Variants in ZNF592 observed in about 807,000 individuals in gnomAD.
The protein encoded by ZNF592 is zinc finger protein 592.
Under a neutral mutation model 80.3 loss-of-function variants are expected in ZNF592, and 11 were observed. That is an observed-to-expected ratio of 0.14 (90% CI 0.09 to 0.23). The LOEUF (loss-of-function observed/expected upper bound fraction) is 0.23. Among genes scored for constraint, ZNF592 ranks in the 10% least tolerant of loss-of-function variants. The pLI is 1.00. For synonymous variants in ZNF592, 646 were observed against 640.3 expected (o/e 1.01, Z -0.13); for missense variants, 1,420 against 1,633.9 (o/e 0.87, Z 2.26).
chr15:84,751,201 T>C (rs1471206561), intron 1 of ZNF592, among the ~76,000 whole-genome samples: 3 of 152,242 alleles, frequency 2.0e-5, no homozygotes, highest in Non-Finnish European at 2.9e-5. Flanking sequence ...AGAACCAATT[T>C]TAAAGACTTC....
chr15:84,796,900 C>A (rs1962935361), intron 5 of ZNF592, among the ~76,000 whole-genome samples: 1 of 152,030 alleles, frequency 6.6e-6, no homozygotes, highest in Admixed American at 6.6e-5. Flanking sequence ...AACTAAGGAA[C>A]TGAATTTTTA....
chr15:84,766,126 A>T (rs1205194400), intron 2 of ZNF592, among the ~76,000 whole-genome samples: 5 of 150,004 alleles, frequency 3.3e-5, no homozygotes, highest in Admixed American at 1.3e-4. Flanking sequence ...CAGTCCTCCC[A>T]CCTCAGCCTC....
At chr15:84,801,793 T>C in intron 10 of ZNF592, 70 bp from the exon 11 acceptor site, 1 of 1,612,748 alleles carries the variant, frequency 6.2e-7, no homozygotes, top group Non-Finnish European at 8.5e-7. Flanking sequence ...GTCCTTGGGC[T>C]CATGGTTATG....
chr15:84,758,272 C>T (rs755177786), intron 1 of ZNF592, among the ~76,000 whole-genome samples: 3 of 152,040 alleles, frequency 2.0e-5, no homozygotes, highest in Non-Finnish European at 4.4e-5. Flanking sequence ...AGCGCCCGGC[C>T]CCGTTAATCC....
chr15:84,768,542 G>T (rs1360747740), intron 2 of ZNF592, among the ~76,000 whole-genome samples: 1 of 151,834 alleles, frequency 6.6e-6, no homozygotes, highest in African/African-American at 2.4e-5. Context: ...CCAGCCTTTT[G>T]TGTCTTTTTT....
intron 4 of ZNF592, among the ~76,000 whole-genome samples, chr15:84,786,096 G>A (rs1432003863): frequency 6.6e-6 from 1 of 152,126 alleles, no homozygotes; most frequent in African/African-American, 2.4e-5. Flanking sequence ...TGCATGTGTT[G>A]GTAGCTGTTG....
intron 3 of ZNF592, among the ~76,000 whole-genome samples, chr15:84,781,776 G>C (rs1215760918): frequency 2.0e-5 from 3 of 152,150 alleles, no homozygotes; most frequent in Non-Finnish European, 4.4e-5. Context: ...TCTGAAGTGT[G>C]AGTTTTATAA....
intron 5 of ZNF592, among the ~76,000 whole-genome samples, chr15:84,792,027 A>G (rs1464712910): frequency 6.6e-6 from 1 of 152,008 alleles, no homozygotes; most frequent in Non-Finnish European, 1.5e-5. Context: ...TGATTTGGCT[A>G]GTATATTTTA....
chr15:84,779,890 TCTC>T (rs1407968771), intron 3 of ZNF592, among the ~76,000 whole-genome samples: 6 of 151,790 alleles, frequency 4.0e-5, no homozygotes, highest in Non-Finnish European at 7.4e-5. Flanking sequence ...ACAATCAACT[TCTC>T]CTCCTCTTCT....
intron 1 of ZNF592, among the ~76,000 whole-genome samples, chr15:84,764,284 G>T (rs1899434681): frequency 2.0e-5 from 3 of 152,204 alleles, no homozygotes; most frequent in Admixed American, 1.3e-4. Flanking sequence ...CACTGAGGTT[G>T]GTGGCATAAT....
chr15:84,764,559 G>A, intron 1 of ZNF592, 148 bp from the exon 2 acceptor site: 1 of 379,390 alleles, frequency 2.6e-6, no homozygotes, highest in Non-Finnish European at 4.7e-6. Flanking sequence ...TACATTTGTG[G>A]CCTGCTTGAA....
In ZNF592 at chr15:84,754,286, C is replaced by T. The variant is rs138588738; in HGVS notation, c.-259+5622C>T. On this transcript the variant is annotated intron_variant, in intron 1 of 10. Transcript: ENST00000560079. The stretch of plus-strand genomic sequence containing the variant: ...AGAGGTAATAATGGGCAGCTGGGCA[C>T]GGTGGCTCGTGCTTGTAATCCCAGC... 4.0e-3 allele frequency among the ~76,000 whole-genome samples: 609 copies of T among 152,208 alleles called. 2 individuals carry two copies. Among genetic ancestry groups the T allele is most frequent in the African/African-American group, 0.014 (571 of 41,520 alleles).
chr15:84,797,846 C>CA (rs1433168255), intron 5 of ZNF592, 23 bp from the exon 6 acceptor site: 1 of 1,614,046 alleles, frequency 6.2e-7, no homozygotes, highest in African/African-American at 1.3e-5. Context: ...CACCCACACT[C>CA]ACACTACCCC....
chr15:84,763,360 T>C (rs1467406411), intron 1 of ZNF592, among the ~76,000 whole-genome samples: 1 of 152,186 alleles, frequency 6.6e-6, no homozygotes, highest in African/African-American at 2.4e-5. Context: ...ATTGCGCATG[T>C]GAGAGAGACT....
At chr15:84,760,326 C>T (rs186575689) in intron 1 of ZNF592, among the ~76,000 whole-genome samples, 12 of 152,256 alleles carry the variant, frequency 7.9e-5, no homozygotes, top group Admixed American at 2.6e-4. Flanking sequence ...TTCATCCCTC[C>T]GCCTAAAACC....
chr15:84,790,910 G>T (rs762675523), intron 5 of ZNF592, 27 bp downstream of exon 5: 2 of 1,614,028 alleles, frequency 1.2e-6, no homozygotes, highest in East Asian at 4.5e-5. Context: ...TTGCTGTCCT[G>T]GTATTGCCCA....
intron 1 of ZNF592, among the ~76,000 whole-genome samples, chr15:84,755,750 A>G (rs979045018): frequency 3.5e-4 from 53 of 152,274 alleles, no homozygotes; most frequent in African/African-American, 1.2e-3. Context: ...TAAAGCAAAA[A>G]CTCAAAAACT....
intron 4 of ZNF592, 135 bp downstream of exon 4, chr15:84,785,030 G>A: frequency 9.2e-7 from 1 of 1,086,656 alleles, no homozygotes; most frequent in Non-Finnish European, 1.4e-6. Flanking sequence ...ATGTCTGCCT[G>A]AATATTTAGT....
At chr15:84,754,984 A>G (rs963025187) in intron 1 of ZNF592, among the ~76,000 whole-genome samples, 6 of 96,676 alleles carry the variant, frequency 6.2e-5, no homozygotes, top group Admixed American at 5.6e-4. Flanking sequence ...TTTTTTTTTC[A>G]TGGCAGAGTG....
Sources: allele counts gnomAD v4.1 joint callset (sites outside exome capture counted in the v4.1 genomes callset), GRCh38; gene constraint gnomAD v4.1.1; transcripts MANE v1.5; gene names NCBI Gene and HGNC (gene_info 2026-07-23, HGNC 2026-07-21).